The following LINC00632 variants were observed in gnomAD, a reference collection of about 807,000 sequenced individuals.
LINC00632 encodes the protein long independently transcribed non-coding RNA 632, also known as ALDOA related specific transcript.
exon 5 of LINC00632, among the ~76,000 whole-genome samples, chrX:140,786,229 A>G (rs182962199): frequency 4.4e-4 from 50 of 112,451 alleles, no homozygotes; most frequent in Non-Finnish European, 9.4e-5. Flanking sequence ...ATACTTTACA[A>G]AGTGCTGTCA....
chrX:140,767,601 C>T (rs1249236149), intron 3 of LINC00632, among the ~76,000 whole-genome samples: 1 of 112,043 alleles, frequency 8.9e-6, no homozygotes, highest in Non-Finnish European at 1.9e-5. Flanking sequence ...GTCTCTTACT[C>T]AGAGTAGAAT....
intron 3 of LINC00632, among the ~76,000 whole-genome samples, chrX:140,753,712 A>C (rs1344000294): frequency 9.2e-6 from 1 of 109,134 alleles, no homozygotes; most frequent in African/African-American, 3.3e-5. Flanking sequence ...TGCTATTCCA[A>C]ATATTGAAAA....
chrX:140,736,050 G>A (rs113803766), intron 3 of LINC00632, among the ~76,000 whole-genome samples: 1,116 of 111,527 alleles, frequency 0.01, 20 homozygotes, highest in African/African-American at 0.035. Context: ...ATTAATATAC[G>A]TTTTGAGGTG....
chrX:140,789,299 A>G (rs1284855698), exon 5 of LINC00632, among the ~76,000 whole-genome samples: 2 of 110,960 alleles, frequency 1.8e-5, no homozygotes, highest in Non-Finnish European at 3.8e-5. Flanking sequence ...GTCATTTTAT[A>G]AAACAGCTAC....
chrX:140,733,390 TA>T (rs769252052), intron 2 of LINC00632, among the ~76,000 whole-genome samples: 99 of 106,315 alleles, frequency 9.3e-4, no homozygotes, highest in South Asian at 1.6e-3. Context: ...CTATTGAAGT[TA>T]AAAAAAAAAA....
At chrX:140,722,743 C>T (rs1168623230) in intron 2 of LINC00632, among the ~76,000 whole-genome samples, 1 of 111,430 alleles carries the variant, frequency 9.0e-6, no homozygotes, top group East Asian at 2.8e-4. Flanking sequence ...ACAAACCTTC[C>T]CCCAACACAG....
chrX:140,789,060 A>G (rs1427399179), exon 5 of LINC00632, among the ~76,000 whole-genome samples: 1 of 108,592 alleles, frequency 9.2e-6, no homozygotes, highest in Non-Finnish European at 1.9e-5. Flanking sequence ...TATCTCCCAG[A>G]GATAGCCATG....
chrX:140,719,158 CTTGT>C (rs769283214), intron 2 of LINC00632, among the ~76,000 whole-genome samples: 1 of 112,263 alleles, frequency 8.9e-6, no homozygotes, highest in Admixed American at 9.5e-5. Context: ...AAAATACAAA[CTTGT>C]TTGACAACAC....
At chrX:140,745,926 A>G (rs1351884219) in intron 3 of LINC00632, among the ~76,000 whole-genome samples, 1 of 111,912 alleles carries the variant, frequency 8.9e-6, no homozygotes, top group Non-Finnish European at 1.9e-5. Flanking sequence ...ATCAGGAGTG[A>G]ACTTGAAACT....
chrX:140,743,606 T>C (rs1288868188), intron 3 of LINC00632, among the ~76,000 whole-genome samples: 1 of 111,596 alleles, frequency 9.0e-6, no homozygotes, highest in African/African-American at 3.3e-5. Flanking sequence ...GATACAGTTA[T>C]AAGACATTAA....
At chrX:140,780,454 G>C (rs1187163893) in exon 5 of LINC00632, among the ~76,000 whole-genome samples, 1 of 111,893 alleles carries the variant, frequency 8.9e-6, no homozygotes, top group Non-Finnish European at 1.9e-5. Context: ...ATGCTATAAT[G>C]TGGTTATCAT....
chrX:140,737,364 G>A (rs1184305897), intron 3 of LINC00632, among the ~76,000 whole-genome samples: 1 of 110,878 alleles, frequency 9.0e-6, no homozygotes, highest in Non-Finnish European at 1.9e-5. Flanking sequence ...ATACTTATGA[G>A]GTACATGTGA....
rs940121886 is a variant in LINC00632 at position 140,788,142 on chromosome X, CA to C, written n.16171del. On this transcript the variant is annotated non_coding_transcript_exon_variant, in exon 5 of 5. Coordinates refer to ENST00000648200, the Ensembl canonical transcript of LINC00632. ...AGCATACAAATAATTTATTAAAAAG[CA>C]AAAAAAAAATTGAAGATGATGGTCA... Among the ~76,000 whole-genome samples the C allele has an allele frequency of 2.3e-3, 230 of 102,212 alleles. 1 individual carries two copies. Among genetic ancestry groups the C allele is most frequent in the African/African-American group, 6.0e-3 (166 of 27,830 alleles). 88.8% of individuals were successfully genotyped at this position (102,212 alleles called of 115,157 possible).
chrX:140,730,414 C>G (rs977901563), intron 2 of LINC00632, among the ~76,000 whole-genome samples: 2 of 110,749 alleles, frequency 1.8e-5, no homozygotes, highest in Non-Finnish European at 3.8e-5. Context: ...TCCCTTGTAA[C>G]AAAAAGATGT....
chrX:140,727,902 T>C (rs1429551898), intron 2 of LINC00632, among the ~76,000 whole-genome samples: 1 of 111,212 alleles, frequency 9.0e-6, no homozygotes, highest in Non-Finnish European at 1.9e-5. Context: ...ATCCCAAATA[T>C]CCAGCCTTAC....
At position 140,732,663 on chromosome X, in the gene LINC00632, C is replaced by CAG. The variant is rs776248858; in HGVS notation, n.105-1213_105-1212dup. Among the ~76,000 whole-genome samples, 251 of 111,720 alleles carry CAG rather than the reference C, an allele frequency of 2.2e-3. 1 individual carries two copies. Among genetic ancestry groups the CAG allele is most frequent in the African/African-American group, 7.9e-3 (242 of 30,763 alleles). On this transcript the variant is annotated intron_variant and non_coding_transcript_variant, in intron 2 of 4. Coordinates refer to ENST00000648200, the Ensembl canonical transcript of LINC00632. ...GACTTAATCATGCCACAAACAGAAA[C>CAG]AGATTTACACACGCACAGACATTAG...
exon 5 of LINC00632, chrX:140,784,101 T>C: frequency 8.3e-7 from 1 of 1,211,495 alleles, no homozygotes; most frequent in Non-Finnish European, 1.1e-6. Context: ...AGCCATGTCT[T>C]CCAGACTATC....
chrX:140,776,665 G>A (rs1931876828), exon 5 of LINC00632, among the ~76,000 whole-genome samples: 1 of 112,058 alleles, frequency 8.9e-6, no homozygotes, highest in South Asian at 3.8e-4. Flanking sequence ...AGGATGTGGA[G>A]AATAGGAACG....
Position 140,726,978 on chromosome X carries a change from G to A in LINC00632, n.105-6900G>A, listed in dbSNP as rs148165724. Among the ~76,000 whole-genome samples, 16 of 111,224 alleles carry A rather than the reference G, an allele frequency of 1.4e-4. No homozygotes were observed. The East Asian group carries it at 4.0e-3, about 28-fold the overall frequency. ...AAACAGACTTGCCCCACTCTGTATG[G>A]AGTTCTACCCAACTTTCAAATTCAT... is the stretch of plus-strand genomic sequence containing the variant. On this transcript the variant is annotated intron_variant and non_coding_transcript_variant, in intron 2 of 4. Coordinates refer to ENST00000648200, the Ensembl canonical transcript of LINC00632.
Sources: allele counts gnomAD v4.1 joint callset (sites outside exome capture counted in the v4.1 genomes callset), GRCh38; gene constraint gnomAD v4.1.1; transcripts MANE v1.5; gene names NCBI Gene and HGNC (gene_info 2026-07-23, HGNC 2026-07-21).